The following RBBP8 variants were observed in gnomAD, a reference collection of about 807,000 sequenced individuals.
RBBP8 encodes the protein DNA endonuclease RBBP8.
In RBBP8, 88 loss-of-function variants were observed where a neutral mutation model predicts 108.3. That is an observed-to-expected ratio of 0.81 (90% CI 0.68 to 0.97). RBBP8 has a LOEUF of 0.97. Ranked by LOEUF, RBBP8 falls within the 50% of genes least tolerant of loss-of-function variation. The probability of loss-of-function intolerance (pLI) is 0.00; values close to 1 mark genes in which losing one functional copy is unlikely to be tolerated. For missense variants in RBBP8, 1,023 were observed against 1,049.0 expected (o/e 0.98, Z 0.34); for synonymous variants, 332 against 348.2 (o/e 0.95, Z 0.52).
At chr18:22,997,066 C>T (rs1297490848) in intron 13 of RBBP8, among the ~76,000 whole-genome samples, 2 of 152,160 alleles carry the variant, frequency 1.3e-5, no homozygotes, top group African/African-American at 4.8e-5. Flanking sequence ...AATAATTCAT[C>T]ATGTCTTCAT....
chr18:22,956,033 A>G (rs189666386), intron 4 of RBBP8, among the ~76,000 whole-genome samples: 2 of 152,318 alleles, frequency 1.3e-5, no homozygotes, highest in South Asian at 2.1e-4. Flanking sequence ...GTTTACCAAA[A>G]CAGACACTCT....
At chr18:22,916,509 C>T (rs1479658979) in intron 2 of RBBP8, among the ~76,000 whole-genome samples, 1 of 151,892 alleles carries the variant, frequency 6.6e-6, no homozygotes, top group Non-Finnish European at 1.5e-5. Context: ...TACATTGACT[C>T]TTCTGAATAC....
intron 2 of RBBP8, among the ~76,000 whole-genome samples, chr18:22,939,139 A>G (rs893751498): frequency 1.3e-5 from 2 of 152,168 alleles, no homozygotes; most frequent in Non-Finnish European, 2.9e-5. Context: ...TTATAGCTGT[A>G]TCATTACACT....
intron 8 of RBBP8, 169 bp downstream of exon 8, chr18:22,985,159 C>A: frequency 2.4e-6 from 1 of 423,370 alleles, no homozygotes; most frequent in Non-Finnish European, 3.2e-6. Flanking sequence ...TTATCCTATT[C>A]ATATAAATAT....
chr18:22,970,220 A>T (rs980986815), intron 5 of RBBP8, among the ~76,000 whole-genome samples: 1 of 152,114 alleles, frequency 6.6e-6, no homozygotes, highest in Non-Finnish European at 1.5e-5. Context: ...TTTTTTTCCC[A>T]AATGTTTCCC....
At chr18:22,984,806 A>G in intron 7 of RBBP8, 80 bp from the exon 8 acceptor site, 2 of 810,050 alleles carry the variant, frequency 2.5e-6, no homozygotes, top group Non-Finnish European at 3.9e-6. Flanking sequence ...AATTTTAAAT[A>G]TGAATAAATA....
chr18:22,972,419 T>C (rs528967789), intron 5 of RBBP8, among the ~76,000 whole-genome samples: 4 of 150,432 alleles, frequency 2.7e-5, no homozygotes, highest in African/African-American at 4.9e-5. Flanking sequence ...TTATTTCTTT[T>C]TTTTTTTTTT....
chr18:22,960,555 G>A (rs1475404528), intron 4 of RBBP8, among the ~76,000 whole-genome samples: 2 of 152,038 alleles, frequency 1.3e-5, no homozygotes, highest in Non-Finnish European at 2.9e-5. Flanking sequence ...CAACAAAAAA[G>A]ACAAATGATT....
chr18:22,973,126 C>T (rs774449462), intron 5 of RBBP8, among the ~76,000 whole-genome samples: 13 of 152,200 alleles, frequency 8.5e-5, no homozygotes, highest in Non-Finnish European at 1.6e-4. Context: ...AACTATTAGG[C>T]ACCTTTTATT....
At chr18:22,956,080 C>CT (rs1203623200) in intron 4 of RBBP8, among the ~76,000 whole-genome samples, 2 of 152,030 alleles carry the variant, frequency 1.3e-5, no homozygotes, top group Non-Finnish European at 2.9e-5. Flanking sequence ...ATTGTATAGT[C>CT]TGTTTCCTTG....
intron 4 of RBBP8, among the ~76,000 whole-genome samples, chr18:22,956,390 A>G (rs920347611): frequency 6.6e-6 from 1 of 152,008 alleles, no homozygotes. Context: ...GCTGGAGTGT[A>G]ATGGCACCAT....
intron 7 of RBBP8, 64 bp downstream of exon 7, chr18:22,982,457 T>C (rs1915002312): frequency 1.2e-6 from 2 of 1,606,638 alleles, no homozygotes; most frequent in Admixed American, 1.7e-5. Flanking sequence ...TACTAGTTTT[T>C]ATGTTATTCA....
At chr18:22,959,870 CTTTT>C (rs35259762) in intron 4 of RBBP8, among the ~76,000 whole-genome samples, 2 of 86,400 alleles carry the variant, frequency 2.3e-5, no homozygotes, top group Non-Finnish European at 4.5e-5. Flanking sequence ...GATGAACTTT[CTTTT>C]TTTTTTTTTT....
At chr18:22,957,587 G>T (rs1031328351) in intron 4 of RBBP8, among the ~76,000 whole-genome samples, 17 of 152,024 alleles carry the variant, frequency 1.1e-4, no homozygotes, top group African/African-American at 4.1e-4. Flanking sequence ...TTGTGGAATT[G>T]CCCTTTTTTC....
intron 17 of RBBP8, among the ~76,000 whole-genome samples, chr18:23,019,642 T>C (rs1344241820): frequency 2.0e-5 from 3 of 152,158 alleles, no homozygotes; most frequent in Non-Finnish European, 4.4e-5. Context: ...CTTTTTTCTT[T>C]CACATCTCAA....
At chr18:22,929,499 T>TTTAAGAGACAGGCGG (rs1909923973), upstream of RBBP8, 1 of 33,722 alleles carries the variant, frequency 3.0e-5, no homozygotes, top group East Asian at 1.1e-3. Flanking sequence ...TGTGTGTGTG[T>TTTAAGAGACAGGCGG]GTGTGTGTGT....
chr18:23,020,191 C>T (rs1011026871), intron 17 of RBBP8, among the ~76,000 whole-genome samples: 1 of 151,026 alleles, frequency 6.6e-6, no homozygotes, highest in Non-Finnish European at 1.5e-5. Context: ...GAGGCCGAGG[C>T]GGGTGGATCA....
chr18:22,966,082 G>C (rs989472994), intron 4 of RBBP8, among the ~76,000 whole-genome samples: 3 of 152,124 alleles, frequency 2.0e-5, no homozygotes, highest in African/African-American at 7.2e-5. Flanking sequence ...TTGCCCACCA[G>C]CTGCCTTGCT....
intron 15 of RBBP8, chr18:23,004,424 A>T (rs2046004214): frequency 6.6e-6 from 1 of 152,268 alleles, no homozygotes; most frequent in Non-Finnish European, 1.5e-5. Flanking sequence ...AGAAAGATAA[A>T]TACCACATGT....
Sources: allele counts gnomAD v4.1 joint callset (sites outside exome capture counted in the v4.1 genomes callset), GRCh38; gene constraint gnomAD v4.1.1; transcripts MANE v1.5; gene names NCBI Gene and HGNC (gene_info 2026-07-23, HGNC 2026-07-21).